Variants in IQSEC1 observed in about 807,000 individuals in gnomAD.
The protein encoded by IQSEC1 is IQ motif and SEC7 domain-containing protein 1.
A neutral mutation model predicts 91.0 loss-of-function variants in IQSEC1; 31 were observed. The observed-to-expected ratio is 0.34, with a 90% CI of 0.26 to 0.46. IQSEC1 has a LOEUF of 0.46. Among genes scored for constraint, IQSEC1 ranks in the 20% least tolerant of loss-of-function variants. The pLI is 1.00. For synonymous variants in IQSEC1, 699 were observed against 662.6 expected, an observed-to-expected ratio of 1.05 and a Z score of -0.84; for missense variants, 1,388 against 1,575.6, an observed-to-expected ratio of 0.88 and a Z score of 2.02.
In IQSEC1 at chr3:13,248,906, C is replaced by G. The variant is rs1438981216; in HGVS notation, c.272+33805G>C. 8.3e-5 allele frequency among the ~76,000 whole-genome samples: 8 copies of G among 96,108 alleles called. No individual in the cohort carries two copies. The East Asian group carries it at 1.6e-3, about 19-fold the overall frequency. The allele number at this position is 96,108 out of a possible 152,430, so 63.1% of individuals were successfully genotyped here. A position where few individuals can be genotyped will look rare whatever the true frequency, so the allele number is the denominator to read the frequency against. On this transcript the variant is annotated intron_variant, in intron 1 of 15. Coordinates refer to the IQSEC1 transcript ENST00000648114. Reference sequence around the variant, plus strand: ...ACTTGCCCGAGGTCACGTAGCTGCACAGACAGGTTAAGTCACTTGCCTAAT... The same window carrying G: ...ACTTGCCCGAGGTCACGTAGCTGCAGAGACAGGTTAAGTCACTTGCCTAAT...
At position 12,945,002 on chromosome 3, in the gene IQSEC1, C is replaced by A. The variant is rs536067306; in HGVS notation, c.24-3137G>T. On this transcript the variant is annotated intron_variant, in intron 1 of 13. Transcript: ENST00000613206. The stretch of plus-strand genomic sequence containing the variant: ...TGAGCAGGCAGAGCAGGGCATCCTT[C>A]CCTGATGGTTGGGGGTGAGTGAGGG... Among the ~76,000 whole-genome samples, 188 of 152,346 alleles carry A rather than the reference C, an allele frequency of 1.2e-3. 1 individual carries two copies. The highest frequency in any genetic ancestry group is 4.3e-3 in the African/African-American group (177 of 41,580).
At chr3:12,991,430 G>A (rs770147734) in intron 1 of IQSEC1, among the ~76,000 whole-genome samples, 13 of 152,252 alleles carry the variant, frequency 8.5e-5, no homozygotes, top group Non-Finnish European at 1.2e-4. Flanking sequence ...GCGGCAGTGC[G>A]TGGGACCCCA....
intron 1 of IQSEC1, among the ~76,000 whole-genome samples, chr3:13,185,805 C>T (rs989379241): frequency 5.3e-5 from 8 of 152,228 alleles, no homozygotes; most frequent in Middle Eastern, 3.2e-3. Flanking sequence ...ATCCATTCTC[C>T]GAGGAGCCAG....
At chr3:13,016,498 C>T (rs1176301408) in intron 1 of IQSEC1, among the ~76,000 whole-genome samples, 2 of 152,220 alleles carry the variant, frequency 1.3e-5, no homozygotes, top group African/African-American at 4.8e-5. Flanking sequence ...GCTCTCCCGC[C>T]CCAGTCAACT....
At chr3:13,283,048 A>G (rs1314770446) in exon 1 of IQSEC1, among the ~76,000 whole-genome samples, 1 of 143,550 alleles carries the variant, frequency 7.0e-6, no homozygotes, top group Non-Finnish European at 1.5e-5. Flanking sequence ...CGGCGCGGCC[A>G]TGGCTGCGCG....
intron 1 of IQSEC1, among the ~76,000 whole-genome samples, chr3:12,956,782 C>G (rs1046760240): frequency 1.3e-4 from 20 of 152,298 alleles, no homozygotes; most frequent in African/African-American, 4.6e-4. Context: ...ATCGGGAGAC[C>G]AGGTCTCTCT....
At chr3:13,171,620 C>T (rs1693616985) in intron 1 of IQSEC1, among the ~76,000 whole-genome samples, 3 of 152,172 alleles carry the variant, frequency 2.0e-5, no homozygotes, top group African/African-American at 2.4e-5. Flanking sequence ...AGAGTGTCTG[C>T]GCTAGTGCTC....
chr3:13,043,292 A>C (rs1482915591), intron 1 of IQSEC1, among the ~76,000 whole-genome samples: 1 of 151,938 alleles, frequency 6.6e-6, no homozygotes, highest in East Asian at 1.9e-4. Context: ...TCCCTGGCCC[A>C]CCCTCACCTC....
At chr3:13,087,487 T>C (rs1705756155) in intron 2 of IQSEC1, among the ~76,000 whole-genome samples, 2 of 152,242 alleles carry the variant, frequency 1.3e-5, no homozygotes, top group Admixed American at 1.3e-4. Context: ...TAAACCTGGC[T>C]GGCAGGGGAG....
chr3:13,227,578 G>A (rs959985858), intron 1 of IQSEC1, among the ~76,000 whole-genome samples: 1 of 152,082 alleles, frequency 6.6e-6, no homozygotes, highest in African/African-American at 2.4e-5. Flanking sequence ...ACCTGGGTGA[G>A]GTGGGTGCTG....
At chr3:12,972,441 T>C (rs1487261270) in intron 1 of IQSEC1, among the ~76,000 whole-genome samples, 2 of 152,238 alleles carry the variant, frequency 1.3e-5, no homozygotes, top group Non-Finnish European at 2.9e-5. Context: ...AAGCCACCTC[T>C]TGGGCCACTC....
At chr3:13,216,374 G>A (rs1021875393) in intron 1 of IQSEC1, among the ~76,000 whole-genome samples, 2 of 152,348 alleles carry the variant, frequency 1.3e-5, no homozygotes, top group South Asian at 4.1e-4. Flanking sequence ...TACCAGCAGG[G>A]GACAGGGGGC....
chr3:12,936,467 G>A lies in IQSEC1; in HGVS notation c.549C>T (p.Val183=). 6.2e-7 allele frequency: 1 copy of A among 1,611,286 alleles called. No individual in the cohort carries two copies. Among genetic ancestry groups the A allele is most frequent in the East Asian group, 2.2e-5 (1 of 44,792 alleles). The change falls in exon 3 of 14, where the codon GTC becomes GTT. Residue 183 remains valine, a synonymous_variant. Coordinates refer to ENST00000613206, the MANE Select transcript of IQSEC1 (RefSeq NM_001134382.3). ...VHSSYFEGKQ[V]SVTNDGSQLG... is the part of the protein sequence containing the mutation. ...GCTGGGAGCCGTCGTTAGTCACTGA[G>A]ACCTGCTTCCCCTCGAAGTAGGAGC...
At chr3:13,004,926 A>G (rs1218883247) in intron 1 of IQSEC1, among the ~76,000 whole-genome samples, 2 of 152,182 alleles carry the variant, frequency 1.3e-5, no homozygotes, top group African/African-American at 4.8e-5. Context: ...ACGGATTCCC[A>G]AGCTGGGAAC....
At chr3:13,190,096 G>T (rs937500351) in intron 1 of IQSEC1, among the ~76,000 whole-genome samples, 3 of 152,166 alleles carry the variant, frequency 2.0e-5, no homozygotes, top group Non-Finnish European at 2.9e-5. Context: ...TCTCACCTCA[G>T]TGCAAACTGG....
chr3:12,943,316 C>T (rs1455893455), intron 1 of IQSEC1, among the ~76,000 whole-genome samples: 6 of 152,302 alleles, frequency 3.9e-5, no homozygotes, highest in East Asian at 3.9e-4. Context: ...CCATGCGGGG[C>T]GGGCTGACGA....
At chr3:13,037,110 C>T (rs1704065356) in intron 1 of IQSEC1, among the ~76,000 whole-genome samples, 1 of 152,140 alleles carries the variant, frequency 6.6e-6, no homozygotes, top group Non-Finnish European at 1.5e-5. Context: ...CTCTCTGAAT[C>T]TCTCTTTCTC....
chr3:12,944,999 C>T (rs1699082558), intron 1 of IQSEC1, among the ~76,000 whole-genome samples: 1 of 152,226 alleles, frequency 6.6e-6, no homozygotes, highest in African/African-American at 2.4e-5. Context: ...GCAGGGCATC[C>T]TTCCCTGATG....
intron 1 of IQSEC1, among the ~76,000 whole-genome samples, chr3:13,212,587 C>T (rs989198509): frequency 4.6e-5 from 7 of 152,192 alleles, no homozygotes; most frequent in African/African-American, 7.2e-5. Context: ...AAGGTGCTGC[C>T]GGACTGTCTT....
Sources: gnomAD v4.1 joint callset for allele counts (sites outside exome capture counted in the v4.1 genomes callset) on GRCh38, gnomAD v4.1.1 for gene constraint, MANE v1.5 for transcripts, NCBI Gene and HGNC (gene_info 2026-07-23, HGNC 2026-07-21) for gene names.